SLCO5A1: variants seen among roughly 807,000 people sequenced by gnomAD.
SLCO5A1 encodes the protein organic anion transporter polypeptide-related protein 4.
A neutral mutation model predicts 65.1 loss-of-function variants in SLCO5A1; 39 were observed. That is an observed-to-expected ratio of 0.60 (90% CI 0.46 to 0.78). The LOEUF (loss-of-function observed/expected upper bound fraction) is 0.78, where lower values mean the gene tolerates loss of function less well. Ranked by LOEUF, SLCO5A1 falls within the 30% of genes least tolerant of loss-of-function variation. SLCO5A1 has a pLI of 0.00. For synonymous variants in SLCO5A1, 438 were observed against 415.7 expected, an observed-to-expected ratio of 1.05 and a Z score of -0.65; for missense variants, 1,029 against 1,069.4, an observed-to-expected ratio of 0.96 and a Z score of 0.53.
chr8:69,704,886 C>G, intron 6 of SLCO5A1, 145 bp downstream of exon 6: 1 of 745,296 alleles, frequency 1.3e-6, no homozygotes, highest in Non-Finnish European at 2.2e-6. Context: ...AGTGCATGCT[C>G]CACTTGGAGA....
chr8:69,781,126 G>A lies in SLCO5A1; in HGVS notation c.908-19251C>T, dbSNP rs540128707. On this transcript the variant is annotated intron_variant, in intron 2 of 9. Transcript: ENST00000260126. ...TAAGAGCAGCTTCAACTTACCTCCT[G>A]GGAAGGCTGAGTCACTGCCAGGAAG... 3.9e-5 allele frequency among the ~76,000 whole-genome samples: 6 copies of A among 152,274 alleles called. No homozygotes were observed. In the South Asian group the frequency reaches 1.2e-3, roughly 32 times the overall value.
intron 2 of SLCO5A1, among the ~76,000 whole-genome samples, chr8:69,792,842 G>C (rs1345151254): frequency 6.6e-6 from 1 of 152,064 alleles, no homozygotes; most frequent in African/African-American, 2.4e-5. Context: ...GGAGGTAAAA[G>C]CACTAATCAT....
intron 2 of SLCO5A1, among the ~76,000 whole-genome samples, chr8:69,784,817 A>AAGAAAG (rs1563722647): frequency 1.0e-5 from 1 of 99,370 alleles, no homozygotes; most frequent in African/African-American, 3.0e-5. Context: ...AAGAAAAAGA[A>AAGAAAG]AGAAAGAAAG....
chr8:69,772,653 GGAAAA>G (rs1563715534), intron 2 of SLCO5A1, among the ~76,000 whole-genome samples: 3 of 145,886 alleles, frequency 2.1e-5, no homozygotes, highest in Non-Finnish European at 3.0e-5. Flanking sequence ...GGAAAGGAAA[GGAAAA>G]GAAATGATTC....
intron 5 of SLCO5A1, among the ~76,000 whole-genome samples, chr8:69,716,100 G>A (rs954411599): frequency 2.6e-5 from 4 of 152,104 alleles, no homozygotes; most frequent in African/African-American, 7.2e-5. Flanking sequence ...CCTGGCTTCT[G>A]TCACTTAGTA....
intron 5 of SLCO5A1, among the ~76,000 whole-genome samples, chr8:69,712,686 TTCTC>T (rs1815324582): frequency 6.6e-6 from 1 of 152,250 alleles, no homozygotes; most frequent in Admixed American, 6.5e-5. Flanking sequence ...ATTGTGTTTA[TTCTC>T]TATCTTTCTG....
chr8:69,822,605 C>G (rs1374916411), intron 2 of SLCO5A1, among the ~76,000 whole-genome samples: 1 of 152,184 alleles, frequency 6.6e-6, no homozygotes, highest in Non-Finnish European at 1.5e-5. Context: ...CTATCTCTCA[C>G]TCCCCTCTCT....
At chr8:69,733,954 A>C (rs1366572585) in intron 5 of SLCO5A1, among the ~76,000 whole-genome samples, 2 of 152,188 alleles carry the variant, frequency 1.3e-5, no homozygotes, top group Admixed American at 1.3e-4. Context: ...ACTACTTTCA[A>C]GAGATAGATG....
intron 5 of SLCO5A1, among the ~76,000 whole-genome samples, chr8:69,706,234 T>G (rs1462249332): frequency 1.3e-5 from 2 of 152,156 alleles, no homozygotes; most frequent in Non-Finnish European, 2.9e-5. Context: ...CTTATAAAAC[T>G]AAACAGCATT....
At chr8:69,769,196 GC>G (rs1563713307) in intron 2 of SLCO5A1, among the ~76,000 whole-genome samples, 1 of 152,184 alleles carries the variant, frequency 6.6e-6, no homozygotes, top group Non-Finnish European at 1.5e-5. Context: ...ACCCACACAG[GC>G]CACAGGAATG....
intron 2 of SLCO5A1, among the ~76,000 whole-genome samples, chr8:69,768,601 G>A (rs570883475): frequency 6.6e-6 from 1 of 152,200 alleles, no homozygotes; most frequent in East Asian, 1.9e-4. Flanking sequence ...CTGTCTTGTG[G>A]TTGGCTACCT....
intron 6 of SLCO5A1, among the ~76,000 whole-genome samples, chr8:69,695,150 T>C (rs991510481): frequency 1.1e-4 from 16 of 152,220 alleles, no homozygotes; most frequent in African/African-American, 3.6e-4. Context: ...CTTCCCTGTA[T>C]CATCCTCATT....
At chr8:69,765,186 GTGCCTGTGTGTA>G (rs1818000481) in intron 2 of SLCO5A1, among the ~76,000 whole-genome samples, 1 of 151,910 alleles carries the variant, frequency 6.6e-6, no homozygotes, top group East Asian at 1.9e-4. Context: ...ATGTATATGT[GTGCCTGTGTGTA>G]TACAGATACA....
chr8:69,687,976 T>C (rs1655778069), intron 6 of SLCO5A1, among the ~76,000 whole-genome samples: 1 of 152,100 alleles, frequency 6.6e-6, no homozygotes, highest in Non-Finnish European at 1.5e-5. Flanking sequence ...CTTATCATGT[T>C]TTAAGGGTAT....
chr8:69,761,484 C>G (rs868535168), intron 3 of SLCO5A1: 1 of 400,394 alleles, frequency 2.5e-6, no homozygotes, highest in African/African-American at 2.1e-5. Flanking sequence ...CTGGGCCCAC[C>G]CAGGTCATCT....
chr8:69,813,266 C>T (rs1820278623), intron 2 of SLCO5A1, among the ~76,000 whole-genome samples: 1 of 152,114 alleles, frequency 6.6e-6, no homozygotes, highest in Non-Finnish European at 1.5e-5. Flanking sequence ...TAGGAAAACA[C>T]CTGACAAAAC....
In SLCO5A1 at chr8:69,786,810, A is replaced by C. The variant is rs1304536740; in HGVS notation, c.908-24935T>G. On this transcript the variant is annotated intron_variant, in intron 2 of 9. Coordinates refer to ENST00000260126, the MANE Select transcript of SLCO5A1 (RefSeq NM_030958.3). The stretch of plus-strand genomic sequence containing the variant: ...TGATGTCTATGTCAAATATTTGGAG[A>C]AAGCTCTAAATTAATGAATACTTTG... Among the ~76,000 whole-genome samples the C allele has an allele frequency of 3.3e-5, 5 of 152,200 alleles. No homozygotes were observed. In the South Asian group the frequency reaches 1.0e-3, roughly 31 times the overall value.
chr8:69,766,509 TTGTG>T (rs369338918), intron 2 of SLCO5A1, among the ~76,000 whole-genome samples: 2 of 151,532 alleles, frequency 1.3e-5, no homozygotes, highest in Non-Finnish European at 3.0e-5. Flanking sequence ...ATGTGTGTGT[TTGTG>T]TGTGTGTGTG....
intron 2 of SLCO5A1, among the ~76,000 whole-genome samples, chr8:69,822,144 A>G (rs1563375575): frequency 6.6e-6 from 1 of 152,028 alleles, no homozygotes; most frequent in African/African-American, 2.4e-5. Context: ...AATAAAATAG[A>G]AAATAAAAAA....
Sources: gnomAD v4.1 joint callset for allele counts (sites outside exome capture counted in the v4.1 genomes callset) on GRCh38, gnomAD v4.1.1 for gene constraint, MANE v1.5 for transcripts, NCBI Gene and HGNC (gene_info 2026-07-23, HGNC 2026-07-21) for gene names.